Variants in ALPK3 observed in about 807,000 individuals in gnomAD.
ALPK3 encodes the protein alpha kinase 3.
ALPK3 carries 102 observed loss-of-function variants against 140.0 expected under a neutral mutation model. That is an observed-to-expected ratio of 0.73 (90% CI 0.62 to 0.86). ALPK3 has a LOEUF of 0.86. Ranked by LOEUF, ALPK3 falls within the 40% of genes least tolerant of loss-of-function variation. ALPK3 has a pLI of 0.00. For missense variants in ALPK3, 2,254 were observed against 2,208.2 expected (o/e 1.02, Z -0.42); for synonymous variants, 938 against 898.5 (o/e 1.04, Z -0.79).
At chr15:84,846,961 C>T (rs1311416914) in intron 5 of ALPK3, among the ~76,000 whole-genome samples, 1 of 151,990 alleles carries the variant, frequency 6.6e-6, no homozygotes, top group Non-Finnish European at 1.5e-5. Flanking sequence ...ACAGGGGTTT[C>T]ACTGTGTTGG....
intron 3 of ALPK3, among the ~76,000 whole-genome samples, chr15:84,836,275 G>A (rs778904555): frequency 6.6e-6 from 1 of 152,198 alleles, no homozygotes; most frequent in African/African-American, 2.4e-5. Context: ...TGAGGGCTGC[G>A]TGAAATGGAG....
Position 84,856,891 on chromosome 15 carries a change from C to G in ALPK3, c.2153C>G (p.Thr718Arg). 1 of 1,614,012 alleles carries G rather than the reference C, an allele frequency of 6.2e-7. No individual in the cohort carries two copies. ...ACGCAGTCAGAGGGGAGCGCGCCCACAGCCATGGAAGGTCAGTCTGAGCAA... is the reference window on the plus strand; with the variant it reads ...ACGCAGTCAGAGGGGAGCGCGCCCAGAGCCATGGAAGGTCAGTCTGAGCAA... ...KGTQSEGSAPTAMEGQSEQEV... is the reference protein window; with the variant it reads ...KGTQSEGSAPRAMEGQSEQEV... Residue 718 changes from threonine to arginine, a missense_variant, in exon 6 of 14, where the codon ACA (threonine) becomes AGA (arginine). Transcript: ENST00000258888.
intron 5 of ALPK3, among the ~76,000 whole-genome samples, chr15:84,844,635 T>G (rs1272767022): frequency 6.6e-6 from 1 of 152,146 alleles, no homozygotes; most frequent in Non-Finnish European, 1.5e-5. Flanking sequence ...GGCAGATGGA[T>G]CACCTGAGGT....
Position 84,847,028 on chromosome 15 carries a change from T to A in ALPK3, c.1653+6096T>A, listed in dbSNP as rs138539799. ...GATCCACTCACCTCAGCCCCAAATATCAATTTTAGAATTGAAATTTACAAT... is the reference window on the plus strand; with the variant it reads ...GATCCACTCACCTCAGCCCCAAATAACAATTTTAGAATTGAAATTTACAAT... On this transcript the variant is annotated intron_variant, in intron 5 of 13. Coordinates refer to ENST00000258888, the MANE Select transcript of ALPK3 (RefSeq NM_020778.5). Among the ~76,000 whole-genome samples the A allele has an allele frequency of 3.7e-4, 57 of 152,174 alleles. No homozygotes were observed. The East Asian group carries it at 8.3e-3, about 22-fold the overall frequency.
intron 5 of ALPK3, among the ~76,000 whole-genome samples, chr15:84,850,879 TACACACACACACAC>T (rs4040516): frequency 1.4e-5 from 2 of 142,366 alleles, no homozygotes; most frequent in South Asian, 2.2e-4. Context: ...GTTCCAGATA[TACACACACACACAC>T]ACACACACAC....
chr15:84,857,893 G>T lies in ALPK3; in HGVS notation c.3155G>T (p.Arg1052Leu). The change falls in exon 6 of 14, where the codon CGC (arginine) becomes CTC (leucine). Residue 1052 changes from arginine to leucine, a missense_variant. Coordinates refer to ENST00000258888, the MANE Select transcript of ALPK3 (RefSeq NM_020778.5). Reference sequence around the variant, plus strand: ...CTGGACCGTGAGGTGCAGGCTGGCCGCCAGGCCCTTGCTGCTGCCCGAGGC... The same window carrying T: ...CTGGACCGTGAGGTGCAGGCTGGCCTCCAGGCCCTTGCTGCTGCCCGAGGC... The part of the protein sequence containing the change: ...GLLDREVQAG[R>L]QALAAARGSW... 6.2e-7 allele frequency: 1 copy of T among 1,612,112 alleles called. No individual in the cohort carries two copies. Among genetic ancestry groups the T allele is most frequent in the South Asian group, 1.1e-5 (1 of 90,906 alleles).
At chr15:84,841,392 T>G (rs1963665510) in intron 5 of ALPK3, among the ~76,000 whole-genome samples, 1 of 152,214 alleles carries the variant, frequency 6.6e-6, no homozygotes, top group Admixed American at 6.5e-5. Flanking sequence ...TGGTTAAATC[T>G]GGGTTTATCT....
At position 84,870,571 on chromosome 15, in the gene ALPK3, C is replaced by T. The variant is rs942217872; in HGVS notation, c.*2115C>T. 1 of 152,184 alleles carries T rather than the reference C, an allele frequency of 6.6e-6. No individual in the cohort carries two copies. The highest frequency in any genetic ancestry group is 2.4e-5 in the African/African-American group (1 of 41,432). 9.4% of individuals were successfully genotyped at this position (152,184 alleles called of 1,614,324 possible). On this transcript the variant is annotated 3_prime_UTR_variant, in exon 14 of 14. Transcript: ENST00000258888. ...AGGATGCTGGGATAGCTCACAAAAC[C>T]AAAAGAATAGCTGAACAATTAATTG...
Position 84,856,531 on chromosome 15 carries a change from C to A in ALPK3, c.1793C>A (p.Thr598Lys). ...ATGGAAACCCAGGAGGATGGGAGAA[C>A]ATCTGCTAACCAGAGAACTGGAAGC... is the stretch of plus-strand genomic sequence containing the variant. ...MDMETQEDGR[T>K]SANQRTGSKK... The change falls in exon 6 of 14, where the codon ACA (threonine) becomes AAA (lysine). Residue 598 changes from threonine to lysine, a missense_variant. Thr to Lys is a moderately conservative substitution (Grantham distance 78, BLOSUM62 -1). Coordinates refer to ENST00000258888, the MANE Select transcript of ALPK3 (RefSeq NM_020778.5). The A allele has an allele frequency of 6.2e-7, 1 of 1,614,130 alleles. No homozygotes were observed. Among genetic ancestry groups the A allele is most frequent in the Non-Finnish European group, 8.5e-7 (1 of 1,180,034 alleles).
chr15:84,839,879 G>A lies in ALPK3; in HGVS notation c.600G>A (p.Trp200Ter). ...AAKLREIEQS[W>*]KHEKAVPGEV... ...AGCTGCGCGAGATCGAGCAGAGCTG[G>A]AAGCACGAGAAGGCGGTGCCTGGGG... is the stretch of plus-strand genomic sequence containing the variant. Residue 200 changes from tryptophan (W) to a stop codon, truncating the protein, a stop_gained, in exon 5 of 14, where the codon TGG becomes TGA. Coordinates refer to ENST00000258888, the MANE Select transcript of ALPK3 (RefSeq NM_020778.5). LOFTEE classifies it high-confidence loss of function. 1.9e-6 allele frequency: 3 copies of A among 1,613,998 alleles called. No individual in the cohort carries two copies. The highest frequency in any genetic ancestry group is 2.5e-6 in the Non-Finnish European group (3 of 1,179,926).
rs569892880 is a variant in ALPK3, at chr15:84,857,943, C to T, written c.3205C>T (p.Leu1069Phe). 11 of 1,609,066 alleles carry T rather than the reference C, an allele frequency of 6.8e-6. No homozygotes were observed. Among genetic ancestry groups the T allele is most frequent in the Non-Finnish European group, 9.3e-6 (11 of 1,178,358 alleles). Reference sequence around the variant, plus strand: ...CTCCTGGGGTCCTGGTCCCAGCTCCCTCACTGTCCCTGCCATTGTGGTAGA... The same window carrying T: ...CTCCTGGGGTCCTGGTCCCAGCTCCTTCACTGTCCCTGCCATTGTGGTAGA... ...RGSWGPGPSS[L>F]TVPAIVVDEE... Residue 1069 changes from leucine (L) to phenylalanine (F), a missense_variant, in exon 6 of 14, where the codon CTC (leucine) becomes TTC (phenylalanine). Around this residue, in one of 3 missense-constraint regions of ALPK3, gnomAD observed 2,088 missense variants for 2,022.9 expected, o/e 1.03. Transcript: ENST00000258888.
Position 84,858,268 on chromosome 15 carries a change from ACGG to A in ALPK3, c.3531_3533del (p.Asp1177_Gly1178delinsGlu). 1 of 1,594,294 alleles carries A rather than the reference ACGG, an allele frequency of 6.3e-7. No individual in the cohort carries two copies. The highest frequency in any genetic ancestry group is 1.1e-5 in the South Asian group (1 of 88,260). On this transcript the variant is annotated inframe_deletion, in exon 6 of 14. Coordinates refer to ENST00000258888, the MANE Select transcript of ALPK3 (RefSeq NM_020778.5). ...CTCCCTAAGGTCAGAGCAGCAGGAG[ACGG>A]GGAGGCAACCACACCTGAAGAAAGG...
intron 9 of ALPK3, among the ~76,000 whole-genome samples, chr15:84,860,719 A>G (rs1285453853): frequency 4.6e-5 from 7 of 152,200 alleles, no homozygotes; most frequent in Admixed American, 6.5e-5. Context: ...TCACTCATTC[A>G]TCCAACTAGT....
intron 5 of ALPK3, among the ~76,000 whole-genome samples, chr15:84,844,314 C>T (rs547803501): frequency 1.1e-3 from 161 of 149,670 alleles, no homozygotes; most frequent in African/African-American, 3.8e-3. Flanking sequence ...GGCTGAGGCA[C>T]GAGAATCACT....
chr15:84,856,212 G>T (rs553372399), intron 5 of ALPK3, among the ~76,000 whole-genome samples, 180 bp from the exon 6 acceptor site: 1 of 152,178 alleles, frequency 6.6e-6, no homozygotes, highest in Non-Finnish European at 1.5e-5. Flanking sequence ...GGCATGGATG[G>T]GGCTTTGGGC....
chr15:84,864,752 G>T, intron 12 of ALPK3, 87 bp downstream of exon 12: 1 of 1,328,750 alleles, frequency 7.5e-7, no homozygotes, highest in Non-Finnish European at 1.0e-6. Context: ...TTGGCTGATC[G>T]TTTACAAAGC....
At chr15:84,859,216 C>T (rs760140763) in intron 6 of ALPK3, 27 bp from the exon 7 acceptor site, 8 of 1,613,162 alleles carry the variant, frequency 5.0e-6, no homozygotes, top group African/African-American at 2.7e-5. Flanking sequence ...AGGTGGTGTT[C>T]CCCTCTTGAC....
Position 84,864,691 on chromosome 15 carries a change from T to G in ALPK3, c.4723+26T>G, listed in dbSNP as rs760495498. On this transcript the variant is annotated intron_variant, in intron 12 of 13. Coordinates refer to ENST00000258888, the MANE Select transcript of ALPK3 (RefSeq NM_020778.5). Reference sequence around the variant, plus strand: ...GTACGAGGGTGTGAGGGTGCACGGGTACGCATGTGCATGGATGTGAAAGCA... The same window carrying G: ...GTACGAGGGTGTGAGGGTGCACGGGGACGCATGTGCATGGATGTGAAAGCA... The G allele has an allele frequency of 3.7e-6, 6 of 1,603,776 alleles. No individual in the cohort carries two copies. The East Asian group carries it at 1.3e-4, about 36-fold the overall frequency.
rs1963501860 is a variant in ALPK3 at position 84,827,515 on chromosome 15, A to G, written c.214A>G (p.Thr72Ala). ...STFCSIIAQLTEETQPLFETT... is the reference protein window; with the variant it reads ...STFCSIIAQLAEETQPLFETT... ...CTTCTGCTCCATCATTGCTCAGCTC[A>G]CAGAGGAGACCCAGCCGCTATTTGA... Residue 72 changes from threonine (T) to alanine (A), a missense_variant, in exon 3 of 14, where the codon ACA (threonine) becomes GCA (alanine). By Grantham distance (58) the Thr-to-Ala change is moderately conservative (BLOSUM62 0). This residue lies in a region of ALPK3 where 2,088 missense variants were observed against 2,022.9 expected (regional missense o/e 1.03). Coordinates refer to ENST00000258888, the MANE Select transcript of ALPK3 (RefSeq NM_020778.5). 6.2e-7 allele frequency: 1 copy of G among 1,614,180 alleles called. No homozygotes were observed. Among genetic ancestry groups the G allele is most frequent in the East Asian group, 2.2e-5 (1 of 44,884 alleles).
Sources: allele counts gnomAD v4.1 joint callset (sites outside exome capture counted in the v4.1 genomes callset), GRCh38; gene constraint gnomAD v4.1.1; regional missense constraint gnomAD v4.1.1; transcripts MANE v1.5; gene names NCBI Gene and HGNC (gene_info 2026-07-23, HGNC 2026-07-21).